The following SEPTIN10 variants were observed in gnomAD, a reference collection of about 807,000 sequenced individuals.
SEPTIN10 encodes septin 10.
Under a neutral mutation model 54.8 loss-of-function variants are expected in SEPTIN10, and 66 were observed. The observed-to-expected ratio is 1.21, with a 90% CI of 0.99 to 1.48. The LOEUF is 1.48. Ranked by LOEUF, SEPTIN10 falls within the 40% of genes most tolerant of loss-of-function variation. The pLI is 0.00. For synonymous variants in SEPTIN10, 161 were observed against 181.0 expected, an observed-to-expected ratio of 0.89 and a Z score of 0.89; for missense variants, 620 against 545.6, an observed-to-expected ratio of 1.14 and a Z score of -1.36.
At chr2:109,603,103 C>T (rs751759843) in intron 1 of SEPTIN10, among the ~76,000 whole-genome samples, 1 of 151,714 alleles carries the variant, frequency 6.6e-6, no homozygotes, top group Non-Finnish European at 1.5e-5. Context: ...AACAAAAAAG[C>T]ATTAAAAGGA....
chr2:109,560,859 C>T (rs1009917751), intron 8 of SEPTIN10, among the ~76,000 whole-genome samples: 1 of 152,098 alleles, frequency 6.6e-6, no homozygotes. Context: ...ATCCAAACAA[C>T]CACTAAGTTC....
intron 6 of SEPTIN10, among the ~76,000 whole-genome samples, chr2:109,566,998 C>T (rs1208266570): frequency 6.6e-6 from 1 of 152,028 alleles, no homozygotes; most frequent in African/African-American, 2.4e-5. Context: ...ATTAAGATCA[C>T]CTCATTTACA....
chr2:109,610,639 C>G (rs1699056421), intron 1 of SEPTIN10, among the ~76,000 whole-genome samples: 1 of 152,048 alleles, frequency 6.6e-6, no homozygotes, highest in South Asian at 2.1e-4. Context: ...TCGCTTGAAC[C>G]AGGGAGGTGG....
intron 7 of SEPTIN10, 48 bp from the exon 8 acceptor site, chr2:109,564,582 G>C (rs2105168177): frequency 2.1e-6 from 3 of 1,416,786 alleles, no homozygotes; most frequent in Middle Eastern, 1.9e-4. Context: ...TTTAATTCCT[G>C]GCACACAACT....
chr2:109,544,256 T>C lies in SEPTIN10; in HGVS notation c.*53A>G. ...AAATCAAAGCACACTTCTAGTTTTT[T>C]TTTAATAAAGTTTGCTTGTGATGAT... On this transcript the variant is annotated 3_prime_UTR_variant, in exon 11 of 11. Transcript: ENST00000397712. The C allele has an allele frequency of 6.2e-7, 1 of 1,613,124 alleles. No homozygotes were observed. The highest frequency in any genetic ancestry group is 8.5e-7 in the Non-Finnish European group (1 of 1,179,804).
chr2:109,608,191 T>C (rs915510905), intron 1 of SEPTIN10, among the ~76,000 whole-genome samples: 17 of 152,234 alleles, frequency 1.1e-4, no homozygotes. Flanking sequence ...GCAATGTTCC[T>C]GCCAAATAGT....
At chr2:109,606,672 C>CTTTTTTTTTTTTTT (rs34414105) in intron 1 of SEPTIN10, among the ~76,000 whole-genome samples, 2 of 71,910 alleles carry the variant, frequency 2.8e-5, no homozygotes, top group Non-Finnish European at 4.8e-5. Context: ...AAATTTTAAG[C>CTTTTTTTTTTTTTT]TTTTTTTTTT....
chr2:109,573,804 T>C (rs1236272148), intron 5 of SEPTIN10, among the ~76,000 whole-genome samples: 1 of 152,242 alleles, frequency 6.6e-6, no homozygotes, highest in Non-Finnish European at 1.5e-5. Context: ...TATGAATTTT[T>C]CTATAGCTCC....
At position 109,543,920 on chromosome 2, in the gene SEPTIN10, C is replaced by A; in HGVS notation, c.*389G>T. The A allele has an allele frequency of 2.1e-6, 1 of 473,758 alleles. No homozygotes were observed. Among genetic ancestry groups the A allele is most frequent in the Non-Finnish European group, 3.7e-6 (1 of 269,552 alleles). 29.3% of individuals were successfully genotyped at this position (473,758 alleles called of 1,614,324 possible). ...TAATTACATAATTCATGTTTCACAT[C>A]CACCTTATACATATAGCCTGAAAGT... On this transcript the variant is annotated 3_prime_UTR_variant, in exon 11 of 11. Coordinates refer to ENST00000397712, the MANE Select transcript of SEPTIN10 (RefSeq NM_144710.5).
chr2:109,569,452 A>G (rs2105310829), intron 5 of SEPTIN10, among the ~76,000 whole-genome samples: 1 of 152,034 alleles, frequency 6.6e-6, no homozygotes, highest in South Asian at 2.1e-4. Flanking sequence ...AAAAAAAAAA[A>G]AAAGGAAAAA....
rs1573502728 is a variant in SEPTIN10, at chr2:109,564,289, C to T, written c.1028+77G>A. On this transcript the variant is annotated intron_variant, in intron 8 of 10. Transcript: ENST00000397712. ...GGGAGATTCTAAAGAACACATGCCC[C>T]ATCATCCTGGATATATAAAAATATG... The T allele has an allele frequency of 7.9e-6, 10 of 1,270,456 alleles. No individual in the cohort carries two copies. The East Asian group carries it at 2.6e-4, about 33-fold the overall frequency. 78.7% of individuals were successfully genotyped at this position (1,270,456 alleles called of 1,614,324 possible). A position where few individuals can be genotyped will look rare whatever the true frequency, so the allele number is the denominator to read the frequency against.
intron 4 of SEPTIN10, among the ~76,000 whole-genome samples, chr2:109,576,771 T>C (rs1320637445): frequency 6.6e-6 from 1 of 152,184 alleles, no homozygotes; most frequent in Non-Finnish European, 1.5e-5. Context: ...TAATATGCCA[T>C]TCTTTCATAC....
intron 2 of SEPTIN10, among the ~76,000 whole-genome samples, chr2:109,586,185 T>C (rs1306195098): frequency 6.6e-6 from 1 of 152,194 alleles, no homozygotes; most frequent in African/African-American, 2.4e-5. Flanking sequence ...AGAAAATTCT[T>C]ACATTAAAAT....
rs1687466363 is a variant in SEPTIN10, at chr2:109,567,996, A to G, written c.601-20T>C. Reference sequence around the variant, plus strand: ...GTTTACCTATTAAGAATAAAGAAAAACAAAATCTTACTGAGGATTTTTTTT... The same window carrying G: ...GTTTACCTATTAAGAATAAAGAAAAGCAAAATCTTACTGAGGATTTTTTTT... On this transcript the variant is annotated intron_variant, in intron 5 of 10. Coordinates refer to ENST00000397712, the MANE Select transcript of SEPTIN10 (RefSeq NM_144710.5). 1 of 1,545,820 alleles carries G rather than the reference A, an allele frequency of 6.5e-7. No individual in the cohort carries two copies. Among genetic ancestry groups the G allele is most frequent in the Admixed American group, 2.1e-5 (1 of 48,390 alleles).
intron 9 of SEPTIN10, among the ~76,000 whole-genome samples, chr2:109,548,897 A>T (rs1682092996): frequency 6.6e-6 from 1 of 152,070 alleles, no homozygotes; most frequent in Non-Finnish European, 1.5e-5. Flanking sequence ...GTTATGTTCC[A>T]AATATGGAAT....
At chr2:109,592,886 C>A (rs562464345) in intron 2 of SEPTIN10, among the ~76,000 whole-genome samples, 165 bp downstream of exon 2, 1 of 151,568 alleles carries the variant, frequency 6.6e-6, no homozygotes, top group South Asian at 2.1e-4. Flanking sequence ...TTATTCAATC[C>A]ATCATCGACT....
chr2:109,610,893 C>T (rs143177531), intron 1 of SEPTIN10, among the ~76,000 whole-genome samples: 39 of 152,258 alleles, frequency 2.6e-4, no homozygotes, highest in African/African-American at 9.1e-4. Flanking sequence ...CAGAGAGGCA[C>T]AGAACTAGAA....
intron 1 of SEPTIN10, among the ~76,000 whole-genome samples, chr2:109,609,615 CAAA>C (rs59667245): frequency 1.2e-4 from 12 of 97,922 alleles, no homozygotes; most frequent in South Asian, 3.4e-4. Context: ...GACTCCGCCT[CAAA>C]AAAAAAAAAA....
intron 2 of SEPTIN10, among the ~76,000 whole-genome samples, chr2:109,588,085 T>C (rs1231947938): frequency 6.6e-6 from 1 of 151,258 alleles, no homozygotes; most frequent in Non-Finnish European, 1.5e-5. Flanking sequence ...GACAAAACAA[T>C]GACCCCTATA....
Sources: allele counts gnomAD v4.1 joint callset (sites outside exome capture counted in the v4.1 genomes callset), GRCh38; gene constraint gnomAD v4.1.1; transcripts MANE v1.5; gene names NCBI Gene and HGNC (gene_info 2026-07-23, HGNC 2026-07-21).